Variants in CROCC2 observed in about 807,000 individuals in gnomAD.
The protein encoded by CROCC2 is ciliary rootlet coiled-coil protein 2.
CROCC2 carries 163 observed loss-of-function variants against 177.6 expected under a neutral mutation model. The observed-to-expected ratio is 0.92, with a 90% CI of 0.81 to 1.05. The LOEUF is 1.05. Among genes scored for constraint, CROCC2 ranks in the 50% least tolerant of loss-of-function variants. The pLI is 0.00. For synonymous variants in CROCC2, 904 were observed against 787.3 expected (o/e 1.15, Z -2.48); for missense variants, 1,929 against 1,797.8 (o/e 1.07, Z -1.32).
At chr2:240,984,577 A>AC (rs2059823762) in intron 28 of CROCC2, among the ~76,000 whole-genome samples, 1 of 123,818 alleles carries the variant, frequency 8.1e-6, no homozygotes, top group African/African-American at 3.4e-5. Context: ...CACTCACTCC[A>AC]CACACACCCA....
chr2:240,958,317 G>A lies in CROCC2; in HGVS notation c.2944-984G>A. ...ACTGGCAGTGTTGGGGCATGCTGAG[G>A]CACAGAGCCATGGCCTAGTCACCCA... On this transcript the variant is annotated intron_variant, in intron 19 of 31. Transcript: ENST00000690015. The surrounding 1 kb of genome is among the most constrained non-coding windows in gnomAD (Gnocchi z 6.7). 1.9e-6 allele frequency: 1 copy of A among 524,718 alleles called. No individual in the cohort carries two copies. The highest frequency in any genetic ancestry group is 2.4e-6 in the Non-Finnish European group (1 of 408,824). The allele number at this position is 524,718 out of a possible 1,614,324, so 32.5% of individuals were successfully genotyped here.
intron 15 of CROCC2, among the ~76,000 whole-genome samples, chr2:240,946,699 C>A (rs1408272525): frequency 6.6e-6 from 1 of 152,210 alleles, no homozygotes; most frequent in Non-Finnish European, 1.5e-5. Context: ...GGCAAGATGG[C>A]CAGCAGCCAC....
intron 28 of CROCC2, chr2:240,983,738 A>G: frequency 1.4e-6 from 1 of 713,608 alleles, no homozygotes; most frequent in Non-Finnish European, 2.1e-6. Flanking sequence ...AGGTGGCCAC[A>G]GCCCTGCCAG....
chr2:240,974,664 C>A (rs1349807458), intron 27 of CROCC2, among the ~76,000 whole-genome samples: 4 of 151,614 alleles, frequency 2.6e-5, no homozygotes, highest in Non-Finnish European at 4.4e-5. Context: ...GCCACCACAC[C>A]CAGCCAACAC....
chr2:240,983,268 C>T, intron 28 of CROCC2: 1 of 958,726 alleles, frequency 1.0e-6, no homozygotes, highest in Non-Finnish European at 1.5e-6. Context: ...GGATTTCTTG[C>T]CGTACAGTAA....
rs145625050 is a variant in CROCC2 at position 240,952,779 on chromosome 2, C to G, written c.2829+2269C>G. 8.5e-4 allele frequency among the ~76,000 whole-genome samples: 129 copies of G among 152,174 alleles called. No individual in the cohort carries two copies. In the East Asian group the frequency reaches 9.5e-3, roughly 11 times the overall value. On this transcript the variant is annotated intron_variant, in intron 18 of 31. Transcript: ENST00000690015. ...GAGCCAGTGGATGTTCTTGAGCAGG[C>G]GTGATATGATAGGAGTTGGGCGGAA...
chr2:240,936,130 G>C (rs573294153), intron 14 of CROCC2, among the ~76,000 whole-genome samples: 1 of 152,296 alleles, frequency 6.6e-6, no homozygotes, highest in East Asian at 1.9e-4. Context: ...TCACATTCAG[G>C]ACAGCTCAAC....
chr2:240,980,105 G>C (rs2059788299), intron 27 of CROCC2, among the ~76,000 whole-genome samples: 2 of 72,302 alleles, frequency 2.8e-5, no homozygotes, highest in Non-Finnish European at 2.8e-5. Flanking sequence ...GCTCATCCCT[G>C]CTCAGTCTCT....
chr2:240,922,426 C>T, intron 3 of CROCC2, 113 bp from the exon 4 acceptor site: 1 of 577,608 alleles, frequency 1.7e-6, no homozygotes, highest in South Asian at 2.0e-5. Context: ...TGCTGTGGGG[C>T]CCCAGGGAGC....
In CROCC2 at chr2:240,933,253, G is replaced by C. The variant is rs1011574578; in HGVS notation, c.1374G>C (p.Gln458His). Reference protein sequence around the residue: ...QKLQQERAREQAREREALRGQ... With the variant: ...QKLQQERAREHAREREALRGQ... ...TCCAGCAGGAGCGGGCTCGGGAGCA[G>C]GCACGGGAACGAGAGGCTCTTCGGG... Residue 458 changes from glutamine to histidine, a missense_variant, in exon 10 of 32, where the codon CAG becomes CAC. By Grantham distance (24) the Gln-to-His change is conservative (BLOSUM62 0). Transcript: ENST00000690015. 2 of 1,548,874 alleles carry C rather than the reference G, an allele frequency of 1.3e-6. No homozygotes were observed. The highest frequency in any genetic ancestry group is 1.7e-6 in the Non-Finnish European group (2 of 1,146,652).
At chr2:240,907,308 C>A (rs1486693753) in intron 1 of CROCC2, among the ~76,000 whole-genome samples, 1 of 152,086 alleles carries the variant, frequency 6.6e-6, no homozygotes, top group African/African-American at 2.4e-5. Context: ...CCCTTGCCTC[C>A]CTACTTCCCA....
intron 17 of CROCC2, 82 bp from the exon 18 acceptor site, chr2:240,950,252 G>T (rs372731817): frequency 1.4e-6 from 2 of 1,394,080 alleles, no homozygotes; most frequent in African/African-American, 2.9e-5. Context: ...GGCATCCCAC[G>T]GGCCAGGTCT....
chr2:240,989,579 GT>G, intron 29 of CROCC2, 74 bp from the exon 30 acceptor site: 1 of 1,414,832 alleles, frequency 7.1e-7, no homozygotes, highest in Non-Finnish European at 9.6e-7. Context: ...GAAACACCCT[GT>G]GGCACTCCTG....
Position 240,920,077 on chromosome 2 carries a change from C to T in CROCC2, c.324C>T (p.Ala108=), listed in dbSNP as rs898606463. 4.2e-6 allele frequency: 3 copies of T among 714,530 alleles called. No homozygotes were observed. Among genetic ancestry groups the T allele is most frequent in the Middle Eastern group, 2.5e-4 (1 of 3,960 alleles). The allele number at this position is 714,530 out of a possible 1,614,324, so 44.3% of individuals were successfully genotyped here. The stretch of plus-strand genomic sequence containing the variant: ...TGACCCGGCTGGGGGACCTGCTGGC[C>T]CAGGCCAGCGCCGAGCGAGATGAGC... The part of the protein sequence containing the change: ...EELTRLGDLL[A]QASAERDELA... Residue 108 remains alanine, a synonymous_variant, in exon 3 of 32, where the codon GCC becomes GCT. Coordinates refer to ENST00000690015, the MANE Select transcript of CROCC2 (RefSeq NM_001351305.2).
intron 27 of CROCC2, among the ~76,000 whole-genome samples, chr2:240,975,719 CTTTT>C (rs55896940): frequency 0.022 from 1,907 of 87,876 alleles, 234 homozygotes; most frequent in East Asian, 0.2. Context: ...AACCAGCCTG[CTTTT>C]TTTTTTTTTT....
intron 4 of CROCC2, among the ~76,000 whole-genome samples, chr2:240,923,004 C>G (rs1249722584): frequency 1.3e-5 from 2 of 152,078 alleles, no homozygotes; most frequent in African/African-American, 4.8e-5. Context: ...CCTCTGAGAG[C>G]GGCTCAGCAG....
intron 27 of CROCC2, among the ~76,000 whole-genome samples, chr2:240,975,815 T>C (rs1047626717): frequency 1.6e-4 from 23 of 146,902 alleles, no homozygotes; most frequent in Non-Finnish European, 3.4e-4. Flanking sequence ...CTGCAACCTC[T>C]GCCTCCCAGG....
At chr2:240,967,572 G>A (rs1574786593) in intron 26 of CROCC2, 107 bp downstream of exon 26, 15 of 1,498,020 alleles carry the variant, frequency 1.0e-5, no homozygotes, top group Admixed American at 4.2e-5. Flanking sequence ...GGGGCAGCTC[G>A]GTGGGAAGGG....
chr2:240,932,460 C>A (rs1411910235), intron 8 of CROCC2, 46 bp downstream of exon 8: 1 of 716,922 alleles, frequency 1.4e-6, no homozygotes. Context: ...GGTCTGTCAC[C>A]CTTGCTCAGG....
Sources: allele counts gnomAD v4.1 joint callset (sites outside exome capture counted in the v4.1 genomes callset), GRCh38; gene constraint gnomAD v4.1.1; non-coding constraint Gnocchi (gnomAD v3.1); transcripts MANE v1.5; gene names NCBI Gene and HGNC (gene_info 2026-07-23, HGNC 2026-07-21).